UGT1A9: variants seen among roughly 807,000 people sequenced by gnomAD.
UGT1A9 encodes UDP-glucuronosyltransferase 1A9.
In UGT1A9, 35 loss-of-function variants were observed where a neutral mutation model predicts 45.0. The observed-to-expected ratio is 0.78, with a 90% confidence interval of 0.59 to 1.03. The LOEUF (loss-of-function observed/expected upper bound fraction) is 1.03, where lower values mean the gene tolerates loss of function less well. Among genes scored for constraint, UGT1A9 ranks in the 50% least tolerant of loss-of-function variants. The pLI is 0.00. For missense variants in UGT1A9, 687 were observed against 666.6 expected, an observed-to-expected ratio of 1.03 and a Z score of -0.34; for synonymous variants, 278 against 250.6, an observed-to-expected ratio of 1.11 and a Z score of -1.03.
chr2:233,689,524 T>C (rs2074948566), intron 1 of UGT1A9, among the ~76,000 whole-genome samples: 1 of 152,254 alleles, frequency 6.6e-6, no homozygotes, highest in Non-Finnish European at 1.5e-5. Flanking sequence ...GGTTTGGTCA[T>C]GAGAAGTGAG....
In UGT1A9 at chr2:233,767,858, C is replaced by T. The variant is rs139607673; in HGVS notation, c.997C>T (p.Arg333Trp). 6.2e-6 allele frequency: 10 copies of T among 1,614,002 alleles called. No homozygotes were observed. Among genetic ancestry groups the T allele is most frequent in the Admixed American group, 3.3e-5 (2 of 59,992 alleles). ...TTTTTGCCCCTCCCAGGTCCTGTGG[C>T]GGTACACTGGAACCCGACCATCGAA... ...LGKIPQTVLWRYTGTRPSNLA... is the reference protein window; with the variant it reads ...LGKIPQTVLWWYTGTRPSNLA... The change falls in exon 3 of 5, where the codon CGG (arginine) becomes TGG (tryptophan). Residue 333 changes from arginine to tryptophan, a missense_variant. Transcript: ENST00000354728.
chr2:233,764,393 C>G (rs1698551622), intron 1 of UGT1A9, among the ~76,000 whole-genome samples: 7 of 152,218 alleles, frequency 4.6e-5, no homozygotes. Context: ...GCCGTGATGA[C>G]AACTTCTCTG....
chr2:233,760,360 T>A (rs751894919), intron 1 of UGT1A9: 1 of 1,614,114 alleles, frequency 6.2e-7, no homozygotes, highest in East Asian at 2.2e-5. Flanking sequence ...CCCAGTGGTG[T>A]CCCATGCTGG....
chr2:233,684,809 C>A (rs2074702200), intron 1 of UGT1A9, among the ~76,000 whole-genome samples: 1 of 152,130 alleles, frequency 6.6e-6, no homozygotes. Context: ...GGCTCAACCA[C>A]AAAAGTAAAT....
chr2:233,772,563 G>A lies in UGT1A9; in HGVS notation c.*4G>A. ...CCACAAATCCAAGACCCATTGAGAA[G>A]TGGGTGGGAAATAAGGTAAAATTTT... On this transcript the variant is annotated 3_prime_UTR_variant, in exon 5 of 5. Transcript: ENST00000354728. 2 of 1,613,538 alleles carry A rather than the reference G, an allele frequency of 1.2e-6. No homozygotes were observed. Among genetic ancestry groups the A allele is most frequent in the Middle Eastern group, 1.6e-4 (1 of 6,062 alleles).
chr2:233,682,764 A>G lies in UGT1A9; in HGVS notation c.855+9975A>G, dbSNP rs765773267. 6 of 1,613,724 alleles carry G rather than the reference A, an allele frequency of 3.7e-6. No homozygotes were observed. The highest frequency in any genetic ancestry group is 1.7e-5 in the Admixed American group (1 of 60,014). ...AATATGATCTTCATTGGTGGTATCA[A>G]CTGTCATCAGGGAAAGCCAGTGCCT... On this transcript the variant is annotated intron_variant, in intron 1 of 4. Coordinates refer to ENST00000354728, the MANE Select transcript of UGT1A9 (RefSeq NM_021027.3).
chr2:233,736,519 G>A (rs746723553), intron 1 of UGT1A9, among the ~76,000 whole-genome samples: 27 of 152,186 alleles, frequency 1.8e-4, no homozygotes, highest in African/African-American at 5.3e-4. Context: ...CTGTCAACTC[G>A]TCAAAGTCAT....
chr2:233,690,582 C>A, intron 1 of UGT1A9: 1 of 1,283,886 alleles, frequency 7.8e-7, no homozygotes, highest in Non-Finnish European at 1.0e-6. Flanking sequence ...CTGCAGCAAT[C>A]CCTGAGAAAA....
In UGT1A9 at chr2:233,746,980, G is replaced by A. The variant is rs1162758884; in HGVS notation, c.856-20054G>A. On this transcript the variant is annotated intron_variant, in intron 1 of 4. Transcript: ENST00000354728. Reference sequence around the variant, plus strand: ...AACTTGGATGTTCCCCAGAGCGAGCGCAGGGTCAGATGAGTTTTTCAAGTA... The same window carrying A: ...AACTTGGATGTTCCCCAGAGCGAGCACAGGGTCAGATGAGTTTTTCAAGTA... Among the ~76,000 whole-genome samples, 6 of 151,766 alleles carry A rather than the reference G, an allele frequency of 4.0e-5. 1 individual carries two copies. Among genetic ancestry groups the A allele is most frequent in the African/African-American group, 1.2e-4 (5 of 41,068 alleles).
rs184398589 is a variant in UGT1A9, at chr2:233,712,244, G to C, written c.855+39455G>C. On this transcript the variant is annotated intron_variant, in intron 1 of 4. Coordinates refer to ENST00000354728, the MANE Select transcript of UGT1A9 (RefSeq NM_021027.3). ...TGAACCCACCATGGGTCTTTGCTAGGGTTGTCTTGCACATGTGTGCTTTAG... is the reference window on the plus strand; with the variant it reads ...TGAACCCACCATGGGTCTTTGCTAGCGTTGTCTTGCACATGTGTGCTTTAG... Among the ~76,000 whole-genome samples the C allele has an allele frequency of 7.5e-4, 114 of 152,296 alleles. 1 individual carries two copies. Among genetic ancestry groups the C allele is most frequent in the Non-Finnish European group, 1.1e-3 (75 of 68,026 alleles).
chr2:233,672,846 G>A (rs1239594110), intron 1 of UGT1A9, 57 bp downstream of exon 1: 4 of 1,546,400 alleles, frequency 2.6e-6, no homozygotes, highest in East Asian at 4.5e-5. Context: ...AATTAAAAAA[G>A]GATTCTTTAC....
chr2:233,741,302 A>G (rs1379292322), intron 1 of UGT1A9, among the ~76,000 whole-genome samples: 1 of 151,744 alleles, frequency 6.6e-6, no homozygotes, highest in Non-Finnish European at 1.5e-5. Context: ...AATTGTGTAG[A>G]TACACACCAA....
intron 1 of UGT1A9, chr2:233,718,664 G>C: frequency 6.5e-7 from 1 of 1,540,864 alleles, no homozygotes; most frequent in Non-Finnish European, 8.7e-7. Flanking sequence ...GGCAGTTATA[G>C]ATTAATGGGT....
intron 1 of UGT1A9, chr2:233,747,763 G>A (rs181313522): frequency 8.1e-6 from 13 of 1,613,376 alleles, no homozygotes; most frequent in East Asian, 6.7e-5. Flanking sequence ...GACTTTAAGG[G>A]CACACAGTGT....
At chr2:233,726,497 T>C (rs1473175630) in intron 1 of UGT1A9, among the ~76,000 whole-genome samples, 2 of 152,348 alleles carry the variant, frequency 1.3e-5, no homozygotes, top group East Asian at 3.9e-4. Flanking sequence ...CTTATTAATT[T>C]TGGAATTTCA....
chr2:233,672,142 C>T lies in UGT1A9; in HGVS notation c.208C>T (p.Leu70=). The change falls in exon 1 of 5, where the codon CTG becomes TTG. Residue 70 remains leucine, a synonymous_variant. Coordinates refer to ENST00000354728, the MANE Select transcript of UGT1A9 (RefSeq NM_021027.3). ...PEVSWQLGRS[L]NCTVKTYSTS... ...GGTGAGTTGGCAACTGGGAAGATCACTGAATTGCACAGTGAAGACTTATTC... is the reference window on the plus strand; with the variant it reads ...GGTGAGTTGGCAACTGGGAAGATCATTGAATTGCACAGTGAAGACTTATTC... 6.2e-7 allele frequency: 1 copy of T among 1,614,190 alleles called. No homozygotes were observed. The highest frequency in any genetic ancestry group is 8.5e-7 in the Non-Finnish European group (1 of 1,180,010).
intron 1 of UGT1A9, among the ~76,000 whole-genome samples, chr2:233,694,204 C>A (rs2075204763): frequency 6.6e-6 from 1 of 152,134 alleles, no homozygotes; most frequent in Non-Finnish European, 1.5e-5. Flanking sequence ...AGGTTAAAAT[C>A]CATTTTCCCA....
At chr2:233,711,053 C>T (rs990834283) in intron 1 of UGT1A9, among the ~76,000 whole-genome samples, 3 of 152,170 alleles carry the variant, frequency 2.0e-5, no homozygotes, top group Admixed American at 6.5e-5. Flanking sequence ...ACACCCATGG[C>T]TTCAATCACC....
intron 1 of UGT1A9, among the ~76,000 whole-genome samples, chr2:233,699,699 G>A (rs1322177802): frequency 2.6e-5 from 4 of 152,198 alleles, no homozygotes; most frequent in African/African-American, 9.7e-5. Context: ...AACAATGAAT[G>A]TGGTTTTCTT....
Sources: allele counts gnomAD v4.1 joint callset (sites outside exome capture counted in the v4.1 genomes callset), GRCh38; gene constraint gnomAD v4.1.1; transcripts MANE v1.5; gene names NCBI Gene and HGNC (gene_info 2026-07-23, HGNC 2026-07-21).